SULF2: variants seen among roughly 807,000 people sequenced by gnomAD.
SULF2 encodes extracellular sulfatase Sulf-2.
Under a neutral mutation model 107.7 loss-of-function variants are expected in SULF2, and 52 were observed. The ratio of observed to expected loss-of-function variants is 0.48; its 90% CI spans 0.39 to 0.61. SULF2 has a LOEUF of 0.61. SULF2 is among the 20% of genes least tolerant of loss of function. SULF2 has a pLI of 0.00. For missense variants in SULF2, 993 were observed against 1,177.3 expected, an observed-to-expected ratio of 0.84 and a Z score of 2.29; for synonymous variants, 460 against 464.3, an observed-to-expected ratio of 0.99 and a Z score of 0.12.
At position 47,736,690 on chromosome 20, in the gene SULF2, C is replaced by T. The variant is rs893701042; in HGVS notation, c.415+13G>A. The T allele has an allele frequency of 9.3e-6, 15 of 1,613,914 alleles. No homozygotes were observed. Among genetic ancestry groups the T allele is most frequent in the East Asian group, 4.5e-5 (2 of 44,884 alleles). On this transcript the variant is annotated intron_variant, in intron 3 of 20. Coordinates refer to ENST00000688720, the MANE Select transcript of SULF2 (RefSeq NM_001387048.1). ...GTCACTCCCTTCCTGCACCTGCCCC[C>T]GTCCCTGCTCACCTGTCCGGTAGCC...
At chr20:47,717,680 G>A (rs1057416770) in intron 3 of SULF2, among the ~76,000 whole-genome samples, 6 of 152,280 alleles carry the variant, frequency 3.9e-5, no homozygotes, top group African/African-American at 1.2e-4. Flanking sequence ...TCATCCGGCC[G>A]TGGGCTTTTG....
At chr20:47,759,714 A>G (rs539392327) in intron 1 of SULF2, among the ~76,000 whole-genome samples, 32 of 152,080 alleles carry the variant, frequency 2.1e-4, no homozygotes, top group African/African-American at 7.7e-4. Context: ...AACAACAACA[A>G]ACTCCTGCTT....
intron 2 of SULF2, among the ~76,000 whole-genome samples, chr20:47,746,993 AAATAT>A (rs781256025): frequency 0.026 from 2,719 of 104,658 alleles, 45 homozygotes; most frequent in Non-Finnish European, 0.039. Context: ...AAAAAAAAAA[AAATAT>A]ATATATATAT....
At chr20:47,687,760 T>C (rs976022287) in intron 5 of SULF2, among the ~76,000 whole-genome samples, 31 of 151,026 alleles carry the variant, frequency 2.1e-4, no homozygotes, top group Admixed American at 1.9e-3. Context: ...CAGGCTGGAG[T>C]GTAGTGGCGC....
Position 47,736,766 on chromosome 20 carries a change from A to G in SULF2, c.352T>C (p.Trp118Arg). The G allele has an allele frequency of 3.1e-6, 5 of 1,614,226 alleles. No individual in the cohort carries two copies. Among genetic ancestry groups the G allele is most frequent in the Non-Finnish European group, 4.2e-6 (5 of 1,180,042 alleles). ...GTGCGGCTCTCGTGCTGTGCCTGCC[A>G]GGAGGGCGAGGAGCAGTTCTCATTG... is the stretch of plus-strand genomic sequence containing the variant. ...TNNENCSSPS[W>R]QAQHESRTFA... The change falls in exon 3 of 21, where the codon TGG becomes CGG. Residue 118 changes from tryptophan to arginine, a missense_variant. By Grantham distance (101) the Trp-to-Arg change is moderately radical. Coordinates refer to ENST00000688720, the MANE Select transcript of SULF2 (RefSeq NM_001387048.1).
intron 1 of SULF2, among the ~76,000 whole-genome samples, chr20:47,759,525 C>G (rs1438907760): frequency 6.6e-6 from 1 of 152,202 alleles, no homozygotes; most frequent in Non-Finnish European, 1.5e-5. Context: ...AACCCCATCT[C>G]TACTAAAAAT....
At chr20:47,770,052 A>C (rs1365225059) in intron 1 of SULF2, among the ~76,000 whole-genome samples, 2 of 90,208 alleles carry the variant, frequency 2.2e-5, no homozygotes, top group South Asian at 3.6e-4. Context: ...GATCTGGTGT[A>C]GTTTTTTTTT....
chr20:47,688,092 C>G (rs1156366579), intron 5 of SULF2, among the ~76,000 whole-genome samples: 2 of 151,610 alleles, frequency 1.3e-5, no homozygotes, highest in East Asian at 3.9e-4. Context: ...CATCTACCAA[C>G]TTTTGCCAGA....
At chr20:47,759,922 CCT>C (rs1282602395) in intron 1 of SULF2, among the ~76,000 whole-genome samples, 1 of 152,220 alleles carries the variant, frequency 6.6e-6, no homozygotes, top group Non-Finnish European at 1.5e-5. Flanking sequence ...GGGTCAGCTC[CCT>C]GAGGACAGAG....
Position 47,757,305 on chromosome 20 carries a change from C to T in SULF2, c.59G>A (p.Gly20Asp), listed in dbSNP as rs989733574. ...LLSATVFSLLGGSSAFLSHHR... is the reference protein window; with the variant it reads ...LLSATVFSLLDGSSAFLSHHR... Reference sequence around the variant, plus strand: ...GTGCGACAGGAAGGCCGAGCTTCCACCCAGCAGGGAGAACACAGTTGCGGA... The same window carrying T: ...GTGCGACAGGAAGGCCGAGCTTCCATCCAGCAGGGAGAACACAGTTGCGGA... The change falls in exon 2 of 21, where the codon GGT becomes GAT. Residue 20 changes from glycine to aspartate, a missense_variant. This residue lies in a region of SULF2 where 388 missense variants were observed against 449.2 expected (regional missense o/e 0.86). Coordinates refer to ENST00000688720, the MANE Select transcript of SULF2 (RefSeq NM_001387048.1). 2 of 1,600,200 alleles carry T rather than the reference C, an allele frequency of 1.2e-6. No homozygotes were observed. The highest frequency in any genetic ancestry group is 1.7e-6 in the Non-Finnish European group (2 of 1,173,058).
chr20:47,682,739 G>A (rs184419675), intron 7 of SULF2, among the ~76,000 whole-genome samples: 2 of 152,254 alleles, frequency 1.3e-5, no homozygotes, highest in African/African-American at 4.8e-5. Context: ...GCGCACACAC[G>A]TATACAGCCC....
intron 1 of SULF2, among the ~76,000 whole-genome samples, chr20:47,773,491 G>C (rs1455350374): frequency 1.3e-5 from 2 of 152,224 alleles, no homozygotes; most frequent in African/African-American, 2.4e-5. Context: ...GTGCAGCCGA[G>C]CACGGCAGTG....
At position 47,658,294 on chromosome 20, in the gene SULF2, A is replaced by G. The variant is rs1183057815; in HGVS notation, c.*68T>C. 8.4e-6 allele frequency: 13 copies of G among 1,551,798 alleles called. No homozygotes were observed. Among genetic ancestry groups the G allele is most frequent in the Admixed American group, 1.7e-5 (1 of 59,908 alleles). ...CACAGGTCTGCTGGAAATCACCCAC[A>G]TGGTTTTTCATTGCCTGTGCAGTCA... On this transcript the variant is annotated 3_prime_UTR_variant, in exon 21 of 21. Coordinates refer to ENST00000688720, the MANE Select transcript of SULF2 (RefSeq NM_001387048.1).
intron 3 of SULF2, among the ~76,000 whole-genome samples, chr20:47,717,917 C>T (rs2089174488): frequency 6.6e-6 from 1 of 151,146 alleles, no homozygotes; most frequent in Non-Finnish European, 1.5e-5. Flanking sequence ...CAGGTTCAAG[C>T]GATTCTCCTG....
At chr20:47,726,362 T>C (rs1399613198) in intron 3 of SULF2, among the ~76,000 whole-genome samples, 2 of 151,534 alleles carry the variant, frequency 1.3e-5, no homozygotes, top group Non-Finnish European at 2.9e-5. Flanking sequence ...TGGACTACCA[T>C]GTCCAGCTAA....
At chr20:47,677,437 C>G (rs562174566) in intron 8 of SULF2, among the ~76,000 whole-genome samples, 105 of 147,722 alleles carry the variant, frequency 7.1e-4, no homozygotes, top group African/African-American at 2.3e-3. Flanking sequence ...TGTGCGCGCA[C>G]ACACATCTCA....
Position 47,665,863 on chromosome 20 carries a change from GT to G in SULF2, c.1895del (p.Asp632AlafsTer14). 1 of 1,613,826 alleles carries G rather than the reference GT, an allele frequency of 6.2e-7. No homozygotes were observed. The highest frequency in any genetic ancestry group is 8.5e-7 in the Non-Finnish European group (1 of 1,179,848). On this transcript the variant is annotated frameshift_variant, in exon 13 of 21. Coordinates refer to ENST00000688720, the MANE Select transcript of SULF2 (RefSeq NM_001387048.1). LOFTEE classifies it high-confidence loss of function. ...QAWKDHKLHI[D>X]HEIETLQNKI... ...TCTCCCGCTCTCCACTCACCTCGTGGTCGATGTGCAGCTTGTGGTCTTTCCA... is the reference window on the plus strand; with the variant it reads ...TCTCCCGCTCTCCACTCACCTCGTGGCGATGTGCAGCTTGTGGTCTTTCCA...
At chr20:47,765,341 G>A (rs1472873293) in intron 1 of SULF2, among the ~76,000 whole-genome samples, 35 of 146,154 alleles carry the variant, frequency 2.4e-4, no homozygotes, top group Middle Eastern at 3.2e-3. Context: ...GTGACAGAGC[G>A]ACACTGCCTT....
intron 13 of SULF2, 85 bp from the exon 14 acceptor site, chr20:47,665,378 G>GT: frequency 1.1e-6 from 1 of 914,332 alleles, no homozygotes; most frequent in Non-Finnish European, 1.8e-6. Context: ...CCACGCTGCC[G>GT]TGTCTGTGCT....
Sources: allele counts gnomAD v4.1 joint callset (sites outside exome capture counted in the v4.1 genomes callset), GRCh38; gene constraint gnomAD v4.1.1; regional missense constraint gnomAD v4.1.1; transcripts MANE v1.5; gene names NCBI Gene and HGNC (gene_info 2026-07-23, HGNC 2026-07-21).